Variants in DPP10 observed in about 807,000 individuals in gnomAD.
DPP10 encodes inactive dipeptidyl peptidase 10.
In DPP10, 33 loss-of-function variants were observed where a neutral mutation model predicts 120.9. The ratio of observed to expected loss-of-function variants is 0.27; its 90% CI spans 0.21 to 0.37. The LOEUF (loss-of-function observed/expected upper bound fraction) is 0.37, where lower values mean the gene tolerates loss of function less well. DPP10 is among the 10% of genes least tolerant of loss of function. The pLI, the probability that DPP10 is intolerant of heterozygous loss-of-function variation, is 1.00. For synonymous variants in DPP10, 337 were observed against 326.1 expected, an observed-to-expected ratio of 1.03 and a Z score of -0.36; for missense variants, 816 against 942.8, an observed-to-expected ratio of 0.87 and a Z score of 1.76.
chr2:115,287,484 T>C (rs1433639879), intron 1 of DPP10, among the ~76,000 whole-genome samples: 1 of 152,092 alleles, frequency 6.6e-6, no homozygotes, highest in Non-Finnish European at 1.5e-5. Context: ...TTCATTATAC[T>C]ACTATGTCTG....
intron 8 of DPP10, among the ~76,000 whole-genome samples, chr2:115,735,631 C>G (rs939043786): frequency 6.6e-6 from 1 of 151,402 alleles, no homozygotes; most frequent in African/African-American, 2.4e-5. Context: ...AGAGATTCTC[C>G]TGCCCCAGCC....
At chr2:114,503,776 T>C (rs1189635428) in intron 1 of DPP10, among the ~76,000 whole-genome samples, 4 of 152,190 alleles carry the variant, frequency 2.6e-5, no homozygotes, top group Non-Finnish European at 4.4e-5. Context: ...TTGACTGGGC[T>C]CTCCTATTAC....
intron 1 of DPP10, among the ~76,000 whole-genome samples, chr2:114,771,818 A>G (rs1681280191): frequency 6.6e-6 from 1 of 152,244 alleles, no homozygotes; most frequent in African/African-American, 2.4e-5. Context: ...CAACTCTTAA[A>G]AAGTATAGGA....
At chr2:115,491,586 G>A (rs1450428743) in intron 3 of DPP10, among the ~76,000 whole-genome samples, 1 of 152,146 alleles carries the variant, frequency 6.6e-6, no homozygotes. Flanking sequence ...TCTTCAGCCA[G>A]GAGGAGGGTT....
chr2:115,359,031 C>T (rs1426647166), intron 3 of DPP10, among the ~76,000 whole-genome samples: 1 of 152,146 alleles, frequency 6.6e-6, no homozygotes, highest in African/African-American at 2.4e-5. Context: ...GATGTTGTTG[C>T]ATATGAGATG....
intron 2 of DPP10, among the ~76,000 whole-genome samples, chr2:115,330,491 A>G (rs1458847303): frequency 6.6e-6 from 1 of 151,768 alleles, no homozygotes; most frequent in African/African-American, 2.4e-5. Flanking sequence ...TTGGTGTTTT[A>G]GACATGAAGT....
chr2:115,692,790 A>G (rs917982633), intron 7 of DPP10, among the ~76,000 whole-genome samples: 31 of 152,164 alleles, frequency 2.0e-4, no homozygotes, highest in African/African-American at 6.8e-4. Flanking sequence ...ACTATTTTTC[A>G]TAATAAGATG....
chr2:114,716,725 T>G, intron 1 of DPP10, among the ~76,000 whole-genome samples: 1 of 152,172 alleles, frequency 6.6e-6, no homozygotes, highest in East Asian at 1.9e-4. Context: ...AACCATAGTA[T>G]TTTAGAAGTG....
At chr2:115,317,212 C>T (rs987466542) in intron 2 of DPP10, among the ~76,000 whole-genome samples, 1 of 150,484 alleles carries the variant, frequency 6.6e-6, no homozygotes, top group Non-Finnish European at 1.5e-5. Flanking sequence ...CTCCCTCATC[C>T]CCTGGCAATC....
intron 5 of DPP10, among the ~76,000 whole-genome samples, chr2:115,538,116 G>A (rs1449018257): frequency 6.6e-6 from 1 of 152,040 alleles, no homozygotes; most frequent in Admixed American, 6.6e-5. Context: ...CAGGTGGGAA[G>A]GAAGCAATGA....
chr2:115,550,050 T>A (rs2079779690), intron 5 of DPP10, among the ~76,000 whole-genome samples: 1 of 152,012 alleles, frequency 6.6e-6, no homozygotes, highest in African/African-American at 2.4e-5. Flanking sequence ...TTAATTCCAC[T>A]CAAATCATTT....
chr2:114,716,952 C>T (rs1243390703), intron 1 of DPP10, among the ~76,000 whole-genome samples: 1 of 152,158 alleles, frequency 6.6e-6, no homozygotes, highest in African/African-American at 2.4e-5. Flanking sequence ...ATAAGACGTA[C>T]ACAGCTTTAA....
At chr2:115,243,875 G>C (rs2058400977) in intron 1 of DPP10, among the ~76,000 whole-genome samples, 3 of 151,076 alleles carry the variant, frequency 2.0e-5, no homozygotes, top group Admixed American at 6.6e-5. Context: ...ATAGGGATTT[G>C]CACAAAGAGT....
intron 17 of DPP10, among the ~76,000 whole-genome samples, chr2:115,790,203 C>T (rs577786195): frequency 2.0e-5 from 3 of 151,662 alleles, no homozygotes; most frequent in Non-Finnish European, 4.4e-5. Context: ...CCTCAGCCTC[C>T]CGAGTAGCTG....
At chr2:114,498,331 C>A (rs924899385) in intron 1 of DPP10, among the ~76,000 whole-genome samples, 2 of 152,142 alleles carry the variant, frequency 1.3e-5, no homozygotes, top group Non-Finnish European at 2.9e-5. Flanking sequence ...CCTCCCCCTC[C>A]CCTGCCAGGC....
At chr2:114,918,599 G>A (rs149155672) in intron 1 of DPP10, among the ~76,000 whole-genome samples, 1 of 152,244 alleles carries the variant, frequency 6.6e-6, no homozygotes, top group Non-Finnish European at 1.5e-5. Context: ...CATACACCAT[G>A]GAATACTACA....
At chr2:115,701,763 C>A (rs941319479) in intron 7 of DPP10, among the ~76,000 whole-genome samples, 4 of 151,710 alleles carry the variant, frequency 2.6e-5, no homozygotes, top group Non-Finnish European at 5.9e-5. Context: ...GATTCTAAAA[C>A]GTAATAAAAA....
At chr2:115,303,525 C>T (rs949697861) in intron 1 of DPP10, among the ~76,000 whole-genome samples, 5 of 151,694 alleles carry the variant, frequency 3.3e-5, no homozygotes, top group East Asian at 1.9e-4. Flanking sequence ...TTACATAATC[C>T]CAGCATATCC....
intron 1 of DPP10, among the ~76,000 whole-genome samples, chr2:115,190,014 G>A (rs2054753643): frequency 6.6e-6 from 1 of 152,106 alleles, no homozygotes; most frequent in African/African-American, 2.4e-5. Context: ...GCAACATTGA[G>A]TTTTCATCAT....
Sources: allele counts gnomAD v4.1 joint callset (sites outside exome capture counted in the v4.1 genomes callset), GRCh38; gene constraint gnomAD v4.1.1; transcripts MANE v1.5; gene names NCBI Gene and HGNC (gene_info 2026-07-23, HGNC 2026-07-21).